RBPMS: variants seen among roughly 807,000 people sequenced by gnomAD.
RBPMS encodes the protein RNA-binding protein with multiple splicing.
Under a neutral mutation model 26.8 loss-of-function variants are expected in RBPMS, and 7 were observed. That is an observed-to-expected ratio of 0.26 (90% confidence interval 0.15 to 0.49). RBPMS has a LOEUF of 0.49. Ranked by LOEUF, RBPMS falls within the 20% of genes least tolerant of loss-of-function variation. The pLI, the probability that RBPMS is intolerant of heterozygous loss-of-function variation, is 0.98. For synonymous variants in RBPMS, 96 were observed against 93.3 expected (o/e 1.03, Z -0.17); for missense variants, 186 against 250.0 (o/e 0.74, Z 1.73).
intron 4 of RBPMS, among the ~76,000 whole-genome samples, chr8:30,496,404 G>A (rs1188433383): frequency 2.6e-5 from 4 of 152,048 alleles, no homozygotes; most frequent in African/African-American, 7.2e-5. Flanking sequence ...TCCCAACCTC[G>A]TGATCTGCCC....
intron 5 of RBPMS, among the ~76,000 whole-genome samples, chr8:30,507,308 TTC>T (rs1382572502): frequency 6.6e-6 from 1 of 152,210 alleles, no homozygotes; most frequent in Admixed American, 6.5e-5. Context: ...GAATAATACT[TTC>T]TGATTGTTAG....
intron 5 of RBPMS, among the ~76,000 whole-genome samples, chr8:30,506,191 C>T (rs1483199555): frequency 6.6e-6 from 1 of 152,010 alleles, no homozygotes; most frequent in Non-Finnish European, 1.5e-5. Context: ...TACAGGAGAG[C>T]ATAGAAACTG....
intron 5 of RBPMS, among the ~76,000 whole-genome samples, chr8:30,532,242 C>T (rs932144197): frequency 6.6e-6 from 1 of 152,064 alleles, no homozygotes; most frequent in African/African-American, 2.4e-5. Flanking sequence ...GCATACATTC[C>T]AAAGCACCAC....
intron 4 of RBPMS, 44 bp from the exon 5 acceptor site, chr8:30,504,242 C>CA: frequency 6.2e-7 from 1 of 1,610,546 alleles, no homozygotes; most frequent in Non-Finnish European, 8.5e-7. Flanking sequence ...CGGTTTGACT[C>CA]AAAGGAAATG....
Position 30,514,808 on chromosome 8 carries a change from G to T in RBPMS, c.397+10372G>T, listed in dbSNP as rs183075471. On this transcript the variant is annotated intron_variant, in intron 5 of 8. Transcript: ENST00000397323. ...CCCATAGTGCTGGGATTATAGGTGT[G>T]AGCCACCACTCCCAGCCATATTAAT... Among the ~76,000 whole-genome samples, 131 of 150,252 alleles carry T rather than the reference G, an allele frequency of 8.7e-4. 1 individual carries two copies. The East Asian group carries it at 0.025, about 29-fold the overall frequency.
At chr8:30,472,628 A>T (rs763312276) in intron 1 of RBPMS, among the ~76,000 whole-genome samples, 9 of 152,250 alleles carry the variant, frequency 5.9e-5, no homozygotes, top group Non-Finnish European at 1.3e-4. Context: ...TAAGGCATTC[A>T]GAATTCTGGG....
chr8:30,460,327 G>A (rs1238647179), intron 1 of RBPMS, among the ~76,000 whole-genome samples: 1 of 152,166 alleles, frequency 6.6e-6, no homozygotes, highest in Non-Finnish European at 1.5e-5. Flanking sequence ...TTAGAGAAAG[G>A]CACTAATGTA....
chr8:30,479,469 T>A, intron 4 of RBPMS, 92 bp downstream of exon 4: 1 of 922,978 alleles, frequency 1.1e-6, no homozygotes, highest in Non-Finnish European at 1.8e-6. Context: ...GTGGAAAGAA[T>A]ATGACTGCAC....
intron 4 of RBPMS, among the ~76,000 whole-genome samples, chr8:30,489,101 C>T (rs1337809087): frequency 6.6e-6 from 1 of 152,062 alleles, no homozygotes; most frequent in Non-Finnish European, 1.5e-5. Context: ...GGCTGGAGTG[C>T]AGTGGTGCCA....
intron 1 of RBPMS, among the ~76,000 whole-genome samples, chr8:30,388,766 A>G (rs1254957262): frequency 6.6e-6 from 1 of 152,144 alleles, no homozygotes; most frequent in African/African-American, 2.4e-5. Context: ...TTTCAGGCTG[A>G]TTGTAAAACA....
chr8:30,543,302 C>A (rs1022203404), intron 5 of RBPMS, among the ~76,000 whole-genome samples: 1 of 152,152 alleles, frequency 6.6e-6, no homozygotes. Context: ...CACATCACAC[C>A]GAGCAAAGCA....
At chr8:30,480,394 G>A (rs1818151962) in intron 4 of RBPMS, among the ~76,000 whole-genome samples, 1 of 152,108 alleles carries the variant, frequency 6.6e-6, no homozygotes, top group African/African-American at 2.4e-5. Context: ...TGACTTAGAG[G>A]TCTAAGGAAA....
chr8:30,518,157 A>T (rs1017571643), intron 5 of RBPMS, among the ~76,000 whole-genome samples: 1 of 152,192 alleles, frequency 6.6e-6, no homozygotes. Context: ...CTGATAAAGG[A>T]GTATGGAGAC....
chr8:30,561,231 T>C (rs1447238870), intron 7 of RBPMS, among the ~76,000 whole-genome samples: 2 of 152,154 alleles, frequency 1.3e-5, no homozygotes, highest in Admixed American at 1.3e-4. Flanking sequence ...TAGTCTAGGG[T>C]CTATGAAGTC....
intron 1 of RBPMS, among the ~76,000 whole-genome samples, chr8:30,447,290 A>G (rs1368750304): frequency 1.3e-5 from 2 of 152,230 alleles, no homozygotes; most frequent in Non-Finnish European, 2.9e-5. Context: ...CAAGCATTTC[A>G]GTTAAAGGGT....
At chr8:30,496,923 G>A (rs1820028238) in intron 4 of RBPMS, among the ~76,000 whole-genome samples, 1 of 152,140 alleles carries the variant, frequency 6.6e-6, no homozygotes, top group Admixed American at 6.5e-5. Context: ...GGAAACTTTC[G>A]ACTATACCTT....
intron 1 of RBPMS, among the ~76,000 whole-genome samples, chr8:30,467,525 T>G (rs1816646340): frequency 6.6e-6 from 1 of 152,138 alleles, no homozygotes; most frequent in Non-Finnish European, 1.5e-5. Context: ...GGTATGGGAG[T>G]GATCCCTCAG....
At chr8:30,544,817 C>G (rs940704773) in intron 6 of RBPMS, 193 bp downstream of exon 6, 1 of 1,547,928 alleles carries the variant, frequency 6.5e-7, no homozygotes, top group African/African-American at 1.4e-5. Flanking sequence ...AATGATATCA[C>G]CCACTGCCTG....
At chr8:30,433,104 C>G (rs906837866) in intron 1 of RBPMS, among the ~76,000 whole-genome samples, 1 of 152,146 alleles carries the variant, frequency 6.6e-6, no homozygotes, top group Non-Finnish European at 1.5e-5. Context: ...CGGCCTCACT[C>G]CCCCCAAACT....
Sources: allele counts gnomAD v4.1 joint callset (sites outside exome capture counted in the v4.1 genomes callset), GRCh38; gene constraint gnomAD v4.1.1; transcripts MANE v1.5; gene names NCBI Gene and HGNC (gene_info 2026-07-23, HGNC 2026-07-21).